The following PIK3C2G variants were observed in gnomAD, a reference collection of about 807,000 sequenced individuals.
The protein encoded by PIK3C2G is phosphatidylinositol-4-phosphate 3-kinase catalytic subunit type 2 gamma.
In PIK3C2G, 168 loss-of-function variants were observed where a neutral mutation model predicts 181.1. The ratio of observed to expected loss-of-function variants is 0.93; its 90% confidence interval spans 0.82 to 1.05. PIK3C2G has a LOEUF of 1.05. Ranked by LOEUF, PIK3C2G falls within the 50% of genes least tolerant of loss-of-function variation. The pLI is 0.00. For synonymous variants in PIK3C2G, 573 were observed against 592.2 expected (o/e 0.97, Z 0.47); for missense variants, 1,869 against 1,732.8 (o/e 1.08, Z -1.40).
At chr12:18,485,979 C>G (rs1413993374) in intron 18 of PIK3C2G, among the ~76,000 whole-genome samples, 1 of 152,080 alleles carries the variant, frequency 6.6e-6, no homozygotes. Flanking sequence ...AACTGAGTAA[C>G]CTTCCACCCA....
intron 4 of PIK3C2G, among the ~76,000 whole-genome samples, chr12:18,292,227 A>ATATATATATATAT (rs1555149103): frequency 1.5e-3 from 71 of 48,606 alleles, no homozygotes; most frequent in Non-Finnish European, 1.6e-3. Flanking sequence ...AAAAAAAAAA[A>ATATATATATATAT]ATATATATAT....
chr12:18,627,866 A>G (rs1949172893), intron 31 of PIK3C2G, among the ~76,000 whole-genome samples: 1 of 152,172 alleles, frequency 6.6e-6, no homozygotes, highest in Admixed American at 6.6e-5. Flanking sequence ...ACTAAAGCTT[A>G]TATTATCCTA....
chr12:18,504,082 A>G (rs1437641921), intron 23 of PIK3C2G, among the ~76,000 whole-genome samples: 1 of 152,140 alleles, frequency 6.6e-6, no homozygotes, highest in Non-Finnish European at 1.5e-5. Flanking sequence ...CAAAAAATGC[A>G]CCATTAGATT....
chr12:18,259,417 G>A (rs779563798), upstream of PIK3C2G, among the ~76,000 whole-genome samples: 3 of 152,042 alleles, frequency 2.0e-5, no homozygotes, highest in Non-Finnish European at 4.4e-5. Flanking sequence ...CTGGCAGAGC[G>A]AGTGTTGAAA....
At chr12:18,529,358 T>TA (rs944297945) in intron 24 of PIK3C2G, among the ~76,000 whole-genome samples, 14 of 152,120 alleles carry the variant, frequency 9.2e-5, no homozygotes, top group African/African-American at 3.1e-4. Context: ...CTTACTTTTT[T>TA]AAAAAAAATC....
At chr12:18,387,514 T>C (rs1943251827) in intron 14 of PIK3C2G, among the ~76,000 whole-genome samples, 1 of 152,178 alleles carries the variant, frequency 6.6e-6, no homozygotes, top group Non-Finnish European at 1.5e-5. Context: ...TCCCTGTCTA[T>C]AATGTGCCCT....
the PIK3C2G span, among the ~76,000 whole-genome samples, chr12:18,664,244 C>A: frequency 6.6e-5 from 10 of 152,156 alleles, no homozygotes; most frequent in Non-Finnish European, 1.3e-4. Context: ...CATAGATTTA[C>A]CACATAATCC....
At position 18,399,801 on chromosome 12, in the gene PIK3C2G, T is replaced by C. The variant is rs754921418; in HGVS notation, c.2269T>C (p.Trp757Arg). Residue 757 changes from tryptophan to arginine, a missense_variant, in exon 16 of 33, where the codon TGG becomes CGG. Coordinates refer to ENST00000538779, the MANE Select transcript of PIK3C2G (RefSeq NM_001288772.2). ...AGAAATGCATACCATTTTGAGAAGA[T>C]GGACATTTTCTCAACCTTTAGAGGC... is the stretch of plus-strand genomic sequence containing the variant. ...VSEMHTILRR[W>R]TFSQPLEALG... is the part of the protein sequence containing the mutation. 6.2e-7 allele frequency: 1 copy of C among 1,604,852 alleles called. No individual in the cohort carries two copies. Among genetic ancestry groups the C allele is most frequent in the Non-Finnish European group, 8.5e-7 (1 of 1,173,290 alleles).
the PIK3C2G span, among the ~76,000 whole-genome samples, chr12:18,669,036 T>TA: frequency 6.6e-6 from 1 of 152,178 alleles, no homozygotes; most frequent in Non-Finnish European, 1.5e-5. Context: ...GTAATAATAA[T>TA]AATAGCTAAT....
intron 5 of PIK3C2G, among the ~76,000 whole-genome samples, chr12:18,295,859 C>T (rs1949916475): frequency 6.6e-6 from 1 of 151,870 alleles, no homozygotes; most frequent in Non-Finnish European, 1.5e-5. Flanking sequence ...ATATATTAGT[C>T]ATTCAAATAT....
chr12:18,706,796 T>C, the PIK3C2G span, among the ~76,000 whole-genome samples: 1 of 152,248 alleles, frequency 6.6e-6, no homozygotes, highest in Non-Finnish European at 1.5e-5. Context: ...TGTATTGCTC[T>C]GTGGCTGCTG....
At chr12:18,580,562 A>G (rs1057512918) in intron 29 of PIK3C2G, among the ~76,000 whole-genome samples, 1 of 152,212 alleles carries the variant, frequency 6.6e-6, no homozygotes, top group Non-Finnish European at 1.5e-5. Flanking sequence ...TAAATGTCAT[A>G]TGTGTACCAT....
intron 1 of PIK3C2G, among the ~76,000 whole-genome samples, chr12:18,269,345 G>A (rs559642729): frequency 6.6e-6 from 1 of 151,456 alleles, no homozygotes; most frequent in East Asian, 1.9e-4. Context: ...TTTTGGTGAA[G>A]AACATCCACA....
intron 18 of PIK3C2G, among the ~76,000 whole-genome samples, chr12:18,440,407 T>C (rs958497872): frequency 2.0e-5 from 3 of 152,118 alleles, no homozygotes; most frequent in African/African-American, 7.2e-5. Context: ...TTGTAAGGCA[T>C]TGATAAGTAC....
chr12:18,469,149 A>G (rs1938202848), intron 18 of PIK3C2G, among the ~76,000 whole-genome samples: 1 of 152,106 alleles, frequency 6.6e-6, no homozygotes, highest in Admixed American at 6.6e-5. Context: ...CTTTATTTCC[A>G]AATCAGAGTT....
intron 18 of PIK3C2G, among the ~76,000 whole-genome samples, chr12:18,468,145 T>C (rs7303670): frequency 0.19 from 29,034 of 151,850 alleles, 3,636 homozygotes; most frequent in African/African-American, 0.36. Context: ...AAAATAAGTC[T>C]GCTCTCCCTC....
At chr12:18,346,528 A>G in intron 10 of PIK3C2G, 113 bp from the exon 11 acceptor site, 1 of 615,864 alleles carries the variant, frequency 1.6e-6, no homozygotes, top group East Asian at 2.8e-5. Context: ...GTAAAGGGTC[A>G]CTTTAATTAA....
chr12:18,300,609 T>C (rs1403693646), intron 5 of PIK3C2G, among the ~76,000 whole-genome samples: 2 of 152,150 alleles, frequency 1.3e-5, no homozygotes, highest in Non-Finnish European at 2.9e-5. Flanking sequence ...AATTTCTTTA[T>C]ATTCAAGGTT....
chr12:18,374,037 T>C (rs541385832), intron 13 of PIK3C2G, among the ~76,000 whole-genome samples: 2 of 152,260 alleles, frequency 1.3e-5, no homozygotes, highest in South Asian at 2.1e-4. Flanking sequence ...TCAAAATTAA[T>C]AGTATGGTAG....
Sources: gnomAD v4.1 joint callset for allele counts (sites outside exome capture counted in the v4.1 genomes callset) on GRCh38, gnomAD v4.1.1 for gene constraint, MANE v1.5 for transcripts, NCBI Gene and HGNC (gene_info 2026-07-23, HGNC 2026-07-21) for gene names.